Variants in CEP83 observed in about 807,000 individuals in gnomAD.
CEP83 encodes the protein centrosomal protein of 83 kDa.
A neutral mutation model predicts 101.9 loss-of-function variants in CEP83; 70 were observed. That is an observed-to-expected ratio of 0.69 (90% CI 0.57 to 0.84). The LOEUF is 0.84. CEP83 is among the 40% of genes least tolerant of loss of function. The pLI, the probability that CEP83 is intolerant of heterozygous loss-of-function variation, is 0.00. For missense variants in CEP83, 715 were observed against 787.2 expected (o/e 0.91, Z 1.10); for synonymous variants, 264 against 267.9 (o/e 0.99, Z 0.14).
chr12:94,403,022 G>A (rs1251112920), intron 5 of CEP83, 148 bp downstream of exon 5: 1 of 476,360 alleles, frequency 2.1e-6, no homozygotes, highest in Non-Finnish European at 3.7e-6. Flanking sequence ...GGTAATGGGA[G>A]TTCAATCCTG....
chr12:94,296,359 G>A, the CEP83 span, among the ~76,000 whole-genome samples: 7 of 152,024 alleles, frequency 4.6e-5, no homozygotes, highest in South Asian at 2.1e-4. Flanking sequence ...ATGAGGTCTC[G>A]CTACATTGTC....
chr12:94,412,606 A>T lies in CEP83; in HGVS notation c.-101-15T>A. 1 of 729,044 alleles carries T rather than the reference A, an allele frequency of 1.4e-6. No individual in the cohort carries two copies. The highest frequency in any genetic ancestry group is 2.3e-6 in the Non-Finnish European group (1 of 442,614). The allele number at this position is 729,044 out of a possible 1,614,324, so 45.2% of individuals were successfully genotyped here. A position where few individuals can be genotyped will look rare whatever the true frequency, so the allele number is the denominator to read the frequency against. ...CCAAATTATACCTGCACAGAGAAAT[A>T]AACATAATTACATAATTTGCGATCA... On this transcript the variant is annotated splice_polypyrimidine_tract_variant and intron_variant, in intron 2 of 16. Coordinates refer to ENST00000397809, the MANE Select transcript of CEP83 (RefSeq NM_016122.3).
intron 14 of CEP83, among the ~76,000 whole-genome samples, chr12:94,314,763 T>C (rs1352369514): frequency 6.6e-6 from 1 of 152,228 alleles, no homozygotes. Context: ...ACCACTCTTC[T>C]GGTTTTTATC....
the CEP83 span, among the ~76,000 whole-genome samples, chr12:94,290,961 G>A: frequency 6.6e-6 from 1 of 152,188 alleles, no homozygotes; most frequent in Admixed American, 6.5e-5. Context: ...GTAATTTTGT[G>A]AATGAGCCCC....
chr12:94,368,253 A>G, intron 9 of CEP83, 52 bp from the exon 10 acceptor site: 1 of 1,412,562 alleles, frequency 7.1e-7, no homozygotes, highest in Non-Finnish European at 9.7e-7. Context: ...ATTAAGATGA[A>G]AAATCACATT....
intron 6 of CEP83, among the ~76,000 whole-genome samples, chr12:94,398,141 T>C (rs576650052): frequency 6.6e-6 from 1 of 152,352 alleles, no homozygotes; most frequent in South Asian, 2.1e-4. Context: ...AGCATATGTA[T>C]GGTCTCCCCC....
At chr12:94,321,622 T>C (rs761294961) in intron 14 of CEP83, among the ~76,000 whole-genome samples, 20 of 152,128 alleles carry the variant, frequency 1.3e-4, no homozygotes, top group Non-Finnish European at 2.6e-4. Context: ...GGGACTTGCA[T>C]AGAGAACAGT....
At chr12:94,403,069 G>A in intron 5 of CEP83, 101 bp downstream of exon 5, 1 of 632,558 alleles carries the variant, frequency 1.6e-6, no homozygotes, top group Non-Finnish European at 2.8e-6. Context: ...CTGAGTAAAA[G>A]GGGGAACTAC....
At chr12:94,334,290 C>T (rs1377994026) in intron 12 of CEP83, among the ~76,000 whole-genome samples, 3 of 151,926 alleles carry the variant, frequency 2.0e-5, no homozygotes, top group African/African-American at 7.2e-5. Context: ...TACCAAACTA[C>T]ATAATGTCAC....
the CEP83 span, chr12:94,279,703 G>A: frequency 1.3e-6 from 2 of 1,490,706 alleles, no homozygotes; most frequent in East Asian, 2.3e-5. Context: ...GTCCCTCCCT[G>A]CCTGCCCTCC....
chr12:94,339,227 A>G (rs1270090530), intron 11 of CEP83, among the ~76,000 whole-genome samples: 1 of 152,176 alleles, frequency 6.6e-6, no homozygotes, highest in African/African-American at 2.4e-5. Context: ...TGGCCTCCCA[A>G]TATATGCTAT....
chr12:94,294,963 G>A, the CEP83 span, among the ~76,000 whole-genome samples: 2 of 152,206 alleles, frequency 1.3e-5, no homozygotes, highest in Non-Finnish European at 2.9e-5. Flanking sequence ...CAAGTCTCCT[G>A]TGATAGCACT....
the CEP83 span, among the ~76,000 whole-genome samples, chr12:94,276,369 C>T: frequency 1.3e-5 from 2 of 152,030 alleles, no homozygotes; most frequent in Non-Finnish European, 1.5e-5. Flanking sequence ...TCACACCCAC[C>T]CCTCCCACTG....
chr12:94,284,337 G>A, the CEP83 span, among the ~76,000 whole-genome samples: 1 of 152,108 alleles, frequency 6.6e-6, no homozygotes, highest in Non-Finnish European at 1.5e-5. Context: ...TAAACTGTAA[G>A]TTCCTCCCAA....
chr12:94,423,734 A>C, intron 2 of CEP83: 1 of 1,611,490 alleles, frequency 6.2e-7, no homozygotes, highest in Non-Finnish European at 8.5e-7. Context: ...TGGGGAGGGG[A>C]ATCCCACTGT....
chr12:94,433,441 G>A (rs1358152895), intron 2 of CEP83, among the ~76,000 whole-genome samples: 1 of 152,040 alleles, frequency 6.6e-6, no homozygotes, highest in East Asian at 1.9e-4. Flanking sequence ...AGCACTTTAG[G>A]AGGTCAAGGC....
intron 6 of CEP83, among the ~76,000 whole-genome samples, chr12:94,384,416 TTCAGC>T (rs2062019242): frequency 1.3e-5 from 2 of 152,160 alleles, no homozygotes; most frequent in Non-Finnish European, 2.9e-5. Flanking sequence ...TGTGAATGTG[TTCAGC>T]TTCTTGAAGC....
chr12:94,297,501 G>T, the CEP83 span: 1 of 1,002,692 alleles, frequency 1.0e-6, no homozygotes, highest in Non-Finnish European at 1.5e-6. Context: ...CCACTGAAGT[G>T]TGAAAATGTT....
At chr12:94,357,843 G>A (rs551557554) in intron 11 of CEP83, among the ~76,000 whole-genome samples, 1 of 151,958 alleles carries the variant, frequency 6.6e-6, no homozygotes, top group African/African-American at 2.4e-5. Context: ...GGAAAGCAGA[G>A]CCAGGAAAGC....
Sources: allele counts gnomAD v4.1 joint callset (sites outside exome capture counted in the v4.1 genomes callset), GRCh38; gene constraint gnomAD v4.1.1; transcripts MANE v1.5; gene names NCBI Gene and HGNC (gene_info 2026-07-23, HGNC 2026-07-21).